The following VASH2 variants were observed in gnomAD, a reference collection of about 807,000 sequenced individuals.
VASH2 encodes the protein tubulinyl-Tyr carboxypeptidase 2.
Under a neutral mutation model 37.2 loss-of-function variants are expected in VASH2, and 28 were observed. That is an observed-to-expected ratio of 0.75 (90% CI 0.56 to 1.03). VASH2 has a LOEUF of 1.03. Among genes scored for constraint, VASH2 ranks in the 50% least tolerant of loss-of-function variants. VASH2 has a pLI of 0.00. For synonymous variants in VASH2, 188 were observed against 174.7 expected, an observed-to-expected ratio of 1.08 and a Z score of -0.60; for missense variants, 419 against 459.1, an observed-to-expected ratio of 0.91 and a Z score of 0.80.
intron 5 of VASH2, chr1:212,969,112 G>A: frequency 3.0e-6 from 3 of 985,388 alleles, no homozygotes; most frequent in Non-Finnish European, 3.6e-6. Context: ...GCAGGAAGGT[G>A]GAGAGCTTCA....
chr1:212,970,021 C>T (rs1341096165), intron 5 of VASH2, among the ~76,000 whole-genome samples: 4 of 152,190 alleles, frequency 2.6e-5, no homozygotes, highest in African/African-American at 9.7e-5. Flanking sequence ...ATCTTGTGAA[C>T]TATGGCAGGT....
intron 7 of VASH2, among the ~76,000 whole-genome samples, chr1:212,980,999 C>A (rs1187103033): frequency 1.3e-5 from 2 of 152,192 alleles, no homozygotes; most frequent in African/African-American, 4.8e-5. Flanking sequence ...GAAAAGACCA[C>A]CTCAGGCAGA....
At chr1:212,953,568 A>G (rs751206508) in intron 2 of VASH2, among the ~76,000 whole-genome samples, 14 of 152,168 alleles carry the variant, frequency 9.2e-5, no homozygotes, top group Admixed American at 6.5e-5. Flanking sequence ...TGCTCTTAGG[A>G]TGGAAGGGAC....
chr1:212,951,434 C>T lies in VASH2; in HGVS notation c.-109C>T. On this transcript the variant is annotated 5_prime_UTR_variant, in exon 2 of 8. Transcript: ENST00000517399. The surrounding 1 kb of genome is among the most constrained non-coding windows in gnomAD (Gnocchi z 4.4). ...CGAGAGGCATGGAGAAGGCCGCCCC[C>T]GCGGGGCGCTGATCCCCTCGCCGCG... 2 of 562,214 alleles carry T rather than the reference C, an allele frequency of 3.6e-6. No individual in the cohort carries two copies. The highest frequency in any genetic ancestry group is 7.3e-5 in the South Asian group (1 of 13,676). The allele number at this position is 562,214 out of a possible 1,614,324, so 34.8% of individuals were successfully genotyped here. A position where few individuals can be genotyped will look rare whatever the true frequency, so the allele number is the denominator to read the frequency against.
chr1:212,978,459 C>T (rs1667244101), intron 7 of VASH2, among the ~76,000 whole-genome samples: 1 of 152,212 alleles, frequency 6.6e-6, no homozygotes, highest in Admixed American at 6.5e-5. Context: ...CTTCCATCAC[C>T]CTCCTCCCTC....
rs1053305658 is a variant in VASH2, at chr1:212,950,876, G to A, written c.-205+136G>A. ...TCCACTAGATCCCCGCCGGGGTCCGGGAGGGCTTCCTGGAAGAAAGCGGGC... is the reference window on the plus strand; with the variant it reads ...TCCACTAGATCCCCGCCGGGGTCCGAGAGGGCTTCCTGGAAGAAAGCGGGC... On this transcript the variant is annotated intron_variant, in intron 1 of 7. Transcript: ENST00000517399. This position sits in a 1 kb window ranked among gnomAD's most constrained non-coding sequence, Gnocchi z 5.5. 2 of 152,338 alleles carry A rather than the reference G, an allele frequency of 1.3e-5. No homozygotes were observed. Among genetic ancestry groups the A allele is most frequent in the Non-Finnish European group, 2.9e-5 (2 of 68,102 alleles). 9.4% of individuals were successfully genotyped at this position (152,338 alleles called of 1,614,324 possible).
At chr1:212,984,751 C>A (rs780010493) in intron 7 of VASH2, among the ~76,000 whole-genome samples, 1 of 152,184 alleles carries the variant, frequency 6.6e-6, no homozygotes. Context: ...ACATGCACTG[C>A]TTAATTTTCA....
intron 2 of VASH2, among the ~76,000 whole-genome samples, chr1:212,959,845 C>T (rs1272183921): frequency 6.6e-6 from 1 of 152,216 alleles, no homozygotes; most frequent in Non-Finnish European, 1.5e-5. Context: ...CTGCCCTTGC[C>T]CTGTTTGCTC....
intron 5 of VASH2, chr1:212,969,222 T>C (rs1666935719): frequency 3.0e-6 from 3 of 983,712 alleles, no homozygotes; most frequent in South Asian, 4.7e-5. Context: ...AGACGGAGTC[T>C]TGGTCTGTCG....
chr1:212,980,317 G>T (rs3123306), intron 7 of VASH2, among the ~76,000 whole-genome samples: 145,868 of 152,338 alleles, frequency 0.96, 69,896 homozygotes, highest in South Asian at 0.99. Flanking sequence ...TCTTCTCAAT[G>T]GAGGCCAGTG....
intron 2 of VASH2, among the ~76,000 whole-genome samples, chr1:212,960,858 C>T (rs913152402): frequency 2.0e-5 from 3 of 152,152 alleles, no homozygotes; most frequent in East Asian, 1.9e-4. Context: ...CATAGTCCTT[C>T]GCATCAAGGA....
At chr1:212,965,856 TCC>T in intron 4 of VASH2, 78 bp downstream of exon 4, 11 of 1,385,132 alleles carry the variant, frequency 7.9e-6, no homozygotes, top group Non-Finnish European at 1.0e-5. Context: ...CAACCTCTAT[TCC>T]CGTAGCCCAT....
At chr1:212,954,490 G>A (rs1054649453) in intron 2 of VASH2, among the ~76,000 whole-genome samples, 3 of 152,056 alleles carry the variant, frequency 2.0e-5, no homozygotes, top group Admixed American at 6.5e-5. Flanking sequence ...GTGCGATCTC[G>A]GTTCACTGCA....
At chr1:212,983,171 A>C (rs1385665329) in intron 7 of VASH2, among the ~76,000 whole-genome samples, 1 of 152,214 alleles carries the variant, frequency 6.6e-6, no homozygotes, top group Non-Finnish European at 1.5e-5. Context: ...CTCCTTTCAA[A>C]TTGTTCACAG....
chr1:212,963,872 T>A, intron 3 of VASH2, among the ~76,000 whole-genome samples: 1 of 152,208 alleles, frequency 6.6e-6, no homozygotes. Context: ...TTTTTGCCAA[T>A]TGAATTCTAC....
In VASH2 at chr1:212,951,582, C is replaced by T. The variant is rs1666307907; in HGVS notation, c.40C>T (p.Pro14Ser). Residue 14 changes from proline (P) to serine (S), a missense_variant, in exon 2 of 8, where the codon CCC becomes TCC. Coordinates refer to ENST00000517399, the MANE Select transcript of VASH2 (RefSeq NM_001301056.2). This position sits in a 1 kb window ranked among gnomAD's most constrained non-coding sequence, Gnocchi z 4.4. ...SAADTHRCPHPKGAKGTRSRS... is the reference protein window; with the variant it reads ...SAADTHRCPHSKGAKGTRSRS... ...GGCCGACACTCACCGCTGCCCCCAC[C>T]CCAAAGGCGCCAAAGGCACCCGGTC... is the stretch of plus-strand genomic sequence containing the variant. 1 of 1,545,794 alleles carries T rather than the reference C, an allele frequency of 6.5e-7. No homozygotes were observed. Among genetic ancestry groups the T allele is most frequent in the African/African-American group, 1.4e-5 (1 of 73,190 alleles).
In VASH2 at chr1:212,989,143, T is replaced by C. The variant is rs182839331; in HGVS notation, c.*559T>C. 8.5e-4 allele frequency: 132 copies of C among 155,862 alleles called. No homozygotes were observed. Among genetic ancestry groups the C allele is most frequent in the Middle Eastern group, 3.4e-3 (1 of 298 alleles). 9.7% of individuals were successfully genotyped at this position (155,862 alleles called of 1,614,324 possible). ...ATGGGGATCTCCACAAGTTTGGAGT[T>C]TTTTCCTGGTGCACACACGTGAGGA... On this transcript the variant is annotated 3_prime_UTR_variant, in exon 8 of 8. Coordinates refer to ENST00000517399, the MANE Select transcript of VASH2 (RefSeq NM_001301056.2).
At chr1:212,981,529 A>G (rs545334470) in intron 7 of VASH2, among the ~76,000 whole-genome samples, 1 of 152,286 alleles carries the variant, frequency 6.6e-6, no homozygotes, top group South Asian at 2.1e-4. Context: ...GTCTTTGCTT[A>G]AACTTGTAAA....
chr1:212,968,837 A>G, intron 5 of VASH2: 1 of 985,476 alleles, frequency 1.0e-6, no homozygotes, highest in Non-Finnish European at 1.2e-6. Flanking sequence ...CAGGCCCTTC[A>G]TGGGGTAGAC....
Sources: gnomAD v4.1 joint callset for allele counts (sites outside exome capture counted in the v4.1 genomes callset) on GRCh38, gnomAD v4.1.1 for gene constraint, Gnocchi (gnomAD v3.1) non-coding constraint, MANE v1.5 for transcripts, NCBI Gene and HGNC (gene_info 2026-07-23, HGNC 2026-07-21) for gene names.